Variants in TSPAN5 observed in about 807,000 individuals in gnomAD.
The protein encoded by TSPAN5 is tetraspanin 5.
In TSPAN5, 10 loss-of-function variants were observed where a neutral mutation model predicts 37.1. The observed-to-expected ratio is 0.27, with a 90% confidence interval of 0.17 to 0.46. The LOEUF (loss-of-function observed/expected upper bound fraction) is 0.46. TSPAN5 is among the 20% of genes least tolerant of loss of function. The pLI is 1.00. For missense variants in TSPAN5, 195 were observed against 326.6 expected (o/e 0.60, Z 3.11); for synonymous variants, 110 against 118.9 (o/e 0.93, Z 0.48).
rs1395350696 is a variant in TSPAN5 at position 98,486,827 on chromosome 4, G to A, written c.190C>T (p.Leu64Phe). The A allele has an allele frequency of 6.2e-7, 1 of 1,614,132 alleles. No individual in the cohort carries two copies. Among genetic ancestry groups the A allele is most frequent in the South Asian group, 1.1e-5 (1 of 91,070 alleles). ...TDLGGFDPVW[L>F]FLVVGGVMFI... The stretch of plus-strand genomic sequence containing the variant: ...ATCACTCCTCCCACCACAAGGAAGA[G>A]CCAAACTGGGTCAAAGCCGCCGAGA... The change falls in exon 3 of 8, where the codon CTC (leucine) becomes TTC (phenylalanine). Residue 64 changes from leucine to phenylalanine, a missense_variant. By Grantham distance (22) the Leu-to-Phe change is conservative. Coordinates refer to ENST00000305798, the MANE Select transcript of TSPAN5 (RefSeq NM_005723.4).
In TSPAN5 at chr4:98,598,391, C is replaced by G. The variant is rs368032446; in HGVS notation, c.81+59755G>C. Among the ~76,000 whole-genome samples the G allele has an allele frequency of 9.2e-3, 1,388 of 150,846 alleles. 23 individuals carry two copies. The highest frequency in any genetic ancestry group is 0.033 in the African/African-American group (1,337 of 41,002). Reference sequence around the variant, plus strand: ...CTCAGATGGAAATGCAGAAATCACCCGTCTTCTGCGTCGCTCACGCTGGGA... The same window carrying G: ...CTCAGATGGAAATGCAGAAATCACCGGTCTTCTGCGTCGCTCACGCTGGGA... On this transcript the variant is annotated intron_variant, in intron 1 of 7. Transcript: ENST00000305798.
chr4:98,621,646 G>A (rs1394432918), intron 1 of TSPAN5, among the ~76,000 whole-genome samples: 1 of 152,084 alleles, frequency 6.6e-6, no homozygotes, highest in Non-Finnish European at 1.5e-5. Flanking sequence ...AGGATAACAG[G>A]CGTGAGCCAC....
chr4:98,564,983 T>A (rs564142296), intron 1 of TSPAN5, among the ~76,000 whole-genome samples: 3 of 152,286 alleles, frequency 2.0e-5, no homozygotes, highest in African/African-American at 4.8e-5. Flanking sequence ...ACCCTGAGTG[T>A]TAAGACAATG....
At chr4:98,486,516 C>T (rs1752962034) in intron 3 of TSPAN5, 2 of 530,328 alleles carry the variant, frequency 3.8e-6, no homozygotes, top group African/African-American at 1.9e-5. Context: ...ACAAAACCTC[C>T]ATGGATGGCA....
In TSPAN5 at chr4:98,646,707, TTTAAG is replaced by T. The variant is rs146002161; in HGVS notation, c.81+11434_81+11438del. Among the ~76,000 whole-genome samples the T allele has an allele frequency of 7.4e-3, 1,125 of 152,330 alleles. 16 individuals carry two copies. Among genetic ancestry groups the T allele is most frequent in the East Asian group, 0.059 (305 of 5,188 alleles). On this transcript the variant is annotated intron_variant, in intron 1 of 7. Coordinates refer to ENST00000305798, the MANE Select transcript of TSPAN5 (RefSeq NM_005723.4). ...AACATTTGTTAGATCTTTTTTTCCTTTTAAGTTATTTTGAGAATGCACTTATGTAG... is the reference window on the plus strand; with the variant it reads ...AACATTTGTTAGATCTTTTTTTCCTTTTATTTTGAGAATGCACTTATGTAG...
chr4:98,559,126 A>T (rs187996125), intron 1 of TSPAN5, among the ~76,000 whole-genome samples: 2 of 94,792 alleles, frequency 2.1e-5, no homozygotes, highest in Admixed American at 2.0e-4. Context: ...AAGCCTTTCA[A>T]GAATTCAAAC....
chr4:98,631,412 CG>C (rs1005736248), intron 1 of TSPAN5, among the ~76,000 whole-genome samples: 3 of 152,154 alleles, frequency 2.0e-5, no homozygotes, highest in African/African-American at 7.2e-5. Flanking sequence ...TCCCTGACTC[CG>C]GGTGGGTGCA....
intron 1 of TSPAN5, among the ~76,000 whole-genome samples, chr4:98,646,968 C>A (rs1560573021): frequency 6.6e-6 from 1 of 152,040 alleles, no homozygotes; most frequent in African/African-American, 2.4e-5. Context: ...ACTAAACGTG[C>A]CATTTTGCAG....
At chr4:98,629,200 C>T (rs1046621282) in intron 1 of TSPAN5, among the ~76,000 whole-genome samples, 4 of 152,230 alleles carry the variant, frequency 2.6e-5, no homozygotes, top group Admixed American at 6.5e-5. Context: ...AACTATTTCA[C>T]AGTCTTTGAG....
chr4:98,522,573 C>G (rs1358215963), intron 1 of TSPAN5, among the ~76,000 whole-genome samples: 2 of 152,180 alleles, frequency 1.3e-5, no homozygotes, highest in Non-Finnish European at 2.9e-5. Flanking sequence ...TTTATAAATT[C>G]AATCAAAACC....
chr4:98,569,609 T>G (rs1755077093), intron 1 of TSPAN5, among the ~76,000 whole-genome samples: 1 of 152,046 alleles, frequency 6.6e-6, no homozygotes, highest in Non-Finnish European at 1.5e-5. Flanking sequence ...GCAGTAGGAA[T>G]GGAGAAAAAC....
At chr4:98,617,267 C>A (rs1756363305) in intron 1 of TSPAN5, among the ~76,000 whole-genome samples, 1 of 152,106 alleles carries the variant, frequency 6.6e-6, no homozygotes, top group East Asian at 1.9e-4. Context: ...GATCATCTCA[C>A]ATCTATGGTA....
intron 1 of TSPAN5, among the ~76,000 whole-genome samples, chr4:98,513,909 GTAT>G (rs1416410754): frequency 6.7e-6 from 1 of 149,748 alleles, no homozygotes; most frequent in Admixed American, 6.7e-5. Flanking sequence ...TAGATAGATA[GTAT>G]ATATCAAGTT....
rs916230270 is a variant in TSPAN5, at chr4:98,619,004, T to C, written c.81+39142A>G. 1.9e-4 allele frequency among the ~76,000 whole-genome samples: 29 copies of C among 152,168 alleles called. 1 individual carries two copies. Among genetic ancestry groups the C allele is most frequent in the Admixed American group, 5.9e-4 (9 of 15,284 alleles). ...CCAAGGAGAAGGGAAAGATAATCTT[T>C]TTCTAAATTCTACAGAGAGTATTAA... On this transcript the variant is annotated intron_variant, in intron 1 of 7. Coordinates refer to ENST00000305798, the MANE Select transcript of TSPAN5 (RefSeq NM_005723.4).
chr4:98,515,386 C>G (rs772043818), intron 1 of TSPAN5, among the ~76,000 whole-genome samples: 16 of 152,252 alleles, frequency 1.1e-4, no homozygotes, highest in Non-Finnish European at 2.2e-4. Flanking sequence ...GTTCCTGCCC[C>G]CCTCCTGACA....
chr4:98,607,764 G>A (rs1025915431), intron 1 of TSPAN5, among the ~76,000 whole-genome samples: 2 of 150,846 alleles, frequency 1.3e-5, no homozygotes, highest in African/African-American at 2.4e-5. Context: ...AGGCTGGAGT[G>A]CAATGGCGCC....
At position 98,543,296 on chromosome 4, in the gene TSPAN5, G is replaced by A. The variant is rs72902213; in HGVS notation, c.82-35568C>T. On this transcript the variant is annotated intron_variant, in intron 1 of 7. Coordinates refer to ENST00000305798, the MANE Select transcript of TSPAN5 (RefSeq NM_005723.4). ...GCATCGTGGATGTGCCTATGGGGTC[G>A]GGGGTTAGAAAGCTTCCATTAGATA... Among the ~76,000 whole-genome samples, 239 of 152,122 alleles carry A rather than the reference G, an allele frequency of 1.6e-3. 1 individual carries two copies. Among genetic ancestry groups the A allele is most frequent in the African/African-American group, 5.4e-3 (225 of 41,496 alleles).
intron 1 of TSPAN5, among the ~76,000 whole-genome samples, chr4:98,640,324 G>T (rs72688497): frequency 6.6e-6 from 1 of 152,070 alleles, no homozygotes; most frequent in Admixed American, 6.5e-5. Flanking sequence ...TTCAACTAAC[G>T]TATTTCAATT....
At chr4:98,526,519 G>T (rs1372859833) in intron 1 of TSPAN5, among the ~76,000 whole-genome samples, 4 of 152,222 alleles carry the variant, frequency 2.6e-5, no homozygotes, top group African/African-American at 9.6e-5. Context: ...GTTGATAAAT[G>T]ATGGCACAAT....
Sources: gnomAD v4.1 joint callset for allele counts (sites outside exome capture counted in the v4.1 genomes callset) on GRCh38, gnomAD v4.1.1 for gene constraint, MANE v1.5 for transcripts, NCBI Gene and HGNC (gene_info 2026-07-23, HGNC 2026-07-21) for gene names.